PRICKLE2: variants seen among roughly 807,000 people sequenced by gnomAD.
PRICKLE2 encodes prickle-like protein 2.
Under a neutral mutation model 81.4 loss-of-function variants are expected in PRICKLE2, and 21 were observed. The observed-to-expected ratio is 0.26, with a 90% CI of 0.18 to 0.37. The LOEUF is 0.37. PRICKLE2 is among the 10% of genes least tolerant of loss of function. The probability of loss-of-function intolerance (pLI) is 1.00; values close to 1 mark genes in which losing one functional copy is unlikely to be tolerated. For synonymous variants in PRICKLE2, 456 were observed against 421.5 expected, an observed-to-expected ratio of 1.08 and a Z score of -1.00; for missense variants, 940 against 1,109.0, an observed-to-expected ratio of 0.85 and a Z score of 2.16.
chr3:64,198,205 C>T (rs1458756877), intron 2 of PRICKLE2, among the ~76,000 whole-genome samples: 1 of 148,166 alleles, frequency 6.7e-6, no homozygotes, highest in African/African-American at 2.5e-5. Flanking sequence ...GAGCGAGACT[C>T]TATCTAAAAT....
chr3:64,118,201 T>C (rs1170749168), intron 7 of PRICKLE2, among the ~76,000 whole-genome samples: 1 of 152,142 alleles, frequency 6.6e-6, no homozygotes, highest in Non-Finnish European at 1.5e-5. Flanking sequence ...TAACTCAAGA[T>C]GGATTAAAGA....
At chr3:64,149,032 G>C (rs749608600) in intron 6 of PRICKLE2, among the ~76,000 whole-genome samples, 1 of 152,178 alleles carries the variant, frequency 6.6e-6, no homozygotes, top group African/African-American at 2.4e-5. Flanking sequence ...CTCTGGGAGC[G>C]TAAGTACCCT....
At chr3:64,166,677 C>T (rs73124853) in intron 2 of PRICKLE2, among the ~76,000 whole-genome samples, 27,936 of 152,156 alleles carry the variant, frequency 0.18, 2,834 homozygotes, top group Non-Finnish European at 0.21. Flanking sequence ...GACTTAAGAA[C>T]TTACCTAGGT....
intron 7 of PRICKLE2, among the ~76,000 whole-genome samples, chr3:64,124,823 A>T (rs2077083151): frequency 6.6e-6 from 1 of 152,232 alleles, no homozygotes; most frequent in South Asian, 2.1e-4. Flanking sequence ...ACGGAGATGT[A>T]CAAGAATATG....
intron 2 of PRICKLE2, chr3:64,163,495 C>G (rs899289454): frequency 3.0e-6 from 1 of 333,784 alleles, no homozygotes; most frequent in Non-Finnish European, 5.8e-6. Context: ...CAGCATATGA[C>G]GTGCCTCCCT....
At chr3:64,267,027 G>C (rs906990870) in intron 2 of PRICKLE2, among the ~76,000 whole-genome samples, 10 of 151,858 alleles carry the variant, frequency 6.6e-5, no homozygotes, top group Admixed American at 6.6e-4. Flanking sequence ...TGGGTGGGGG[G>C]AGCTGAAACC....
At chr3:64,180,460 C>G (rs1021691586) in intron 2 of PRICKLE2, among the ~76,000 whole-genome samples, 7 of 152,108 alleles carry the variant, frequency 4.6e-5, no homozygotes, top group African/African-American at 1.7e-4. Flanking sequence ...ATTAACCACT[C>G]ACTTCCCATT....
chr3:64,176,868 A>T (rs153735), intron 2 of PRICKLE2, among the ~76,000 whole-genome samples: 136,230 of 152,230 alleles, frequency 0.89, 61,429 homozygotes, highest in South Asian at 0.97. Context: ...CAGTCTTTCC[A>T]GTTCCAAAAC....
chr3:64,199,309 C>T (rs2078524502), intron 1 of PRICKLE2: 1 of 408,360 alleles, frequency 2.4e-6, no homozygotes, highest in African/African-American at 2.0e-5. Flanking sequence ...CCCATGACCA[C>T]AATTTCCTTG....
At chr3:64,152,382 A>C (rs2077561677) in intron 6 of PRICKLE2, among the ~76,000 whole-genome samples, 1 of 152,182 alleles carries the variant, frequency 6.6e-6, no homozygotes, top group African/African-American at 2.4e-5. Context: ...TGAATGAAGA[A>C]GCCACAATGC....
Position 64,147,800 on chromosome 3 carries a change from G to C in PRICKLE2, c.788-98C>G. 7.7e-7 allele frequency: 1 copy of C among 1,293,330 alleles called. No individual in the cohort carries two copies. Among genetic ancestry groups the C allele is most frequent in the Non-Finnish European group, 1.1e-6 (1 of 895,236 alleles). The allele number at this position is 1,293,330 out of a possible 1,614,324, so 80.1% of individuals were successfully genotyped here. A position where few individuals can be genotyped will look rare whatever the true frequency, so the allele number is the denominator to read the frequency against. On this transcript the variant is annotated intron_variant, in intron 6 of 7. Coordinates refer to ENST00000638394, the MANE Select transcript of PRICKLE2 (RefSeq NM_198859.4). This position sits in a 1 kb window ranked among gnomAD's most constrained non-coding sequence, Gnocchi z 5.0. ...CACCTTGGTTTGTCTCAGGATTCCA[G>C]GTGCGGCAGGATAAACTGTCAATAA... is the stretch of plus-strand genomic sequence containing the variant.
At chr3:64,150,075 C>G (rs2077520549) in intron 6 of PRICKLE2, among the ~76,000 whole-genome samples, 1 of 146,496 alleles carries the variant, frequency 6.8e-6, no homozygotes, top group African/African-American at 2.5e-5. Flanking sequence ...TAGAAACAGA[C>G]AACCCCGAGC....
In PRICKLE2 at chr3:64,230,587, C is replaced by A. The variant is rs548941572; in HGVS notation, c.129-31620G>T. Among the ~76,000 whole-genome samples, 41 of 152,266 alleles carry A rather than the reference C, an allele frequency of 2.7e-4. 1 individual carries two copies. Among genetic ancestry groups the A allele is most frequent in the African/African-American group, 9.1e-4 (38 of 41,556 alleles). On this transcript the variant is annotated intron_variant, in intron 2 of 8. Transcript: ENST00000295902. Reference sequence around the variant, plus strand: ...AAGAGTTATCCTCAACAGTTTCTAGCCAATTTCTAATCCATACTGATAATC... The same window carrying A: ...AAGAGTTATCCTCAACAGTTTCTAGACAATTTCTAATCCATACTGATAATC...
chr3:64,141,249 G>A (rs566193870), intron 7 of PRICKLE2, among the ~76,000 whole-genome samples: 1 of 152,332 alleles, frequency 6.6e-6, no homozygotes, highest in South Asian at 2.1e-4. Flanking sequence ...CACAAGCTCT[G>A]TAGCTAGAAT....
chr3:64,204,070 C>A (rs1371856340), intron 1 of PRICKLE2, among the ~76,000 whole-genome samples: 1 of 152,154 alleles, frequency 6.6e-6, no homozygotes, highest in Non-Finnish European at 1.5e-5. Flanking sequence ...TTACCACGTA[C>A]CAAGGCCTGC....
intron 2 of PRICKLE2, among the ~76,000 whole-genome samples, chr3:64,256,387 AT>A (rs1399391625): frequency 1.3e-5 from 2 of 152,156 alleles, no homozygotes; most frequent in African/African-American, 4.8e-5. Flanking sequence ...TGTATTTTAA[AT>A]TTTGTCAAAA....
chr3:64,247,402 G>A (rs976900521), intron 2 of PRICKLE2, among the ~76,000 whole-genome samples: 2 of 151,938 alleles, frequency 1.3e-5, no homozygotes, highest in Non-Finnish European at 2.9e-5. Flanking sequence ...TAAGTATTCT[G>A]ATCTTAAAAG....
intron 1 of PRICKLE2, among the ~76,000 whole-genome samples, chr3:64,216,838 T>TG (rs2078878893): frequency 6.6e-6 from 1 of 152,216 alleles, no homozygotes; most frequent in South Asian, 2.1e-4. Flanking sequence ...TCCTTCCTAA[T>TG]GAGGCAGGCA....
Position 64,243,166 on chromosome 3 carries a change from T to C in PRICKLE2, c.129-44199A>G, listed in dbSNP as rs1243391238. 2.6e-5 allele frequency among the ~76,000 whole-genome samples: 4 copies of C among 152,216 alleles called. No homozygotes were observed. In the East Asian group the frequency reaches 5.8e-4, roughly 22 times the overall value. ...GAATGTCATCCCTTGAAGACAGCTT[T>C]TTAAAAAATTGTCTGTGGACAGTAG... On this transcript the variant is annotated intron_variant, in intron 2 of 8. Coordinates refer to the PRICKLE2 transcript ENST00000295902.
Sources: allele counts gnomAD v4.1 joint callset (sites outside exome capture counted in the v4.1 genomes callset), GRCh38; gene constraint gnomAD v4.1.1; non-coding constraint Gnocchi (gnomAD v3.1); transcripts MANE v1.5; gene names NCBI Gene and HGNC (gene_info 2026-07-23, HGNC 2026-07-21).